HCFC1: variants seen among roughly 807,000 people sequenced by gnomAD.
HCFC1 encodes host cell factor C1, also known as host cell factor 1.
A neutral mutation model predicts 105.5 loss-of-function variants in HCFC1; 7 were observed. The ratio of observed to expected loss-of-function variants is 0.07; its 90% CI spans 0.04 to 0.12. The LOEUF (loss-of-function observed/expected upper bound fraction) is 0.12, where lower values mean the gene tolerates loss of function less well. Among genes scored for constraint, HCFC1 ranks in the 10% least tolerant of loss-of-function variants. HCFC1 has a pLI of 1.00. For synonymous variants in HCFC1, 918 were observed against 828.1 expected, an observed-to-expected ratio of 1.11 and a Z score of -1.86; for missense variants, 1,065 against 1,823.6, an observed-to-expected ratio of 0.58 and a Z score of 7.58.
Position 153,954,256 on chromosome X carries a change from A to G in HCFC1, c.4143T>C (p.Thr1381=), listed in dbSNP as rs1418451525. The change falls in exon 17 of 26, where the codon ACT becomes ACC. Residue 1381 remains threonine (T), a synonymous_variant. Transcript: ENST00000310441. ...CAGACTCCACGGTCCTGTGGGAAGA[A>G]GTGGCGTCGGGAAGCAGGGCACCCA... ...VSVGALLPDA[T]SSHRTVESGL... The G allele has an allele frequency of 8.3e-7, 1 of 1,203,593 alleles. No individual in the cohort carries two copies. The highest frequency in any genetic ancestry group is 1.1e-6 in the Non-Finnish European group (1 of 890,842).
chrX:153,963,153 C>G lies in HCFC1; in HGVS notation c.712+72G>C. ...AGCCCCACCTCACCATACAACAGCG[C>G]CACCCACGGGGCCAGCCAAGAGGCA... On this transcript the variant is annotated intron_variant, in intron 4 of 25. Transcript: ENST00000310441. 5 of 819,832 alleles carry G rather than the reference C, an allele frequency of 6.1e-6. No individual in the cohort carries two copies. The Admixed American group carries it at 6.7e-5, about 11-fold the overall frequency. The allele number at this position is 819,832 out of a possible 1,213,427, so 67.6% of individuals were successfully genotyped here.
At position 153,959,498 on chromosome X, in the gene HCFC1, A is replaced by G; in HGVS notation, c.1445-7T>C. ...TTGAGAACAGCAGGGACACCTGATG[A>G]GAGAAGGGGCCAGCCGTCAGCCATC... On this transcript the variant is annotated splice_region_variant and splice_polypyrimidine_tract_variant and intron_variant, in intron 8 of 25. Coordinates refer to ENST00000310441, the MANE Select transcript of HCFC1 (RefSeq NM_005334.3). The G allele has an allele frequency of 3.3e-6, 4 of 1,210,962 alleles. No individual in the cohort carries two copies. The highest frequency in any genetic ancestry group is 4.5e-6 in the Non-Finnish European group (4 of 895,044).
At chrX:153,964,758 A>G (rs782182365) in intron 1 of HCFC1, 32 bp from the exon 2 acceptor site, 2 of 1,119,490 alleles carry the variant, frequency 1.8e-6, no homozygotes, top group Admixed American at 5.6e-5. Context: ...AAGTCAGAAC[A>G]CCCGGGAGCC....
At chrX:153,964,524 C>T (rs1327064275) in intron 2 of HCFC1, 54 bp downstream of exon 2, 35 of 1,133,190 alleles carry the variant, frequency 3.1e-5, no homozygotes, top group Non-Finnish European at 4.1e-5. Context: ...GAAGCCACTA[C>T]CGTCAGGTCA....
chrX:153,961,454 C>T, intron 6 of HCFC1, 88 bp downstream of exon 6: 1 of 605,982 alleles, frequency 1.7e-6, no homozygotes, highest in Non-Finnish European at 2.7e-6. Flanking sequence ...CCAGCTTGCT[C>T]CCCGCACACC....
At position 153,954,198 on chromosome X, in the gene HCFC1, G is replaced by C. The variant is rs782233812; in HGVS notation, c.4201C>G (p.Pro1401Ala). ...LEVAAAPSVTPQAGTALLAPF... is the reference protein window; with the variant it reads ...LEVAAAPSVTAQAGTALLAPF... ...GCCAGCAGCGCGGTGCCAGCCTGGG[G>C]GGTGACGCTGGGTGCCGCCGCCACC... Residue 1401 changes from proline to alanine, a missense_variant, in exon 17 of 26, where the codon CCC (proline) becomes GCC (alanine). Around this residue, in one of 17 missense-constraint regions of HCFC1, gnomAD observed 546 missense variants for 599.9 expected, o/e 0.91. Coordinates refer to ENST00000310441, the MANE Select transcript of HCFC1 (RefSeq NM_005334.3). The C allele has an allele frequency of 6.6e-6, 8 of 1,204,976 alleles. No homozygotes were observed.
At position 153,951,878 on chromosome X, in the gene HCFC1, G is replaced by C; in HGVS notation, c.5223C>G (p.Pro1741=). ...NCLNELAGTV[P]STVALLPSTA... ...TTGAGGGCAGCAGCGCCACAGTGCT[G>C]GGGACCGTGCCGGCCAGCTCATTGA... Residue 1741 remains proline, a synonymous_variant, in exon 20 of 26, where the codon CCC becomes CCG. Coordinates refer to ENST00000310441, the MANE Select transcript of HCFC1 (RefSeq NM_005334.3). 1 of 1,196,383 alleles carries C rather than the reference G, an allele frequency of 8.4e-7. No homozygotes were observed. The highest frequency in any genetic ancestry group is 1.1e-6 in the Non-Finnish European group (1 of 886,343).
At chrX:153,956,843 C>T (rs1304873222) in intron 14 of HCFC1, 75 bp downstream of exon 14, 10 of 1,200,145 alleles carry the variant, frequency 8.3e-6, no homozygotes, top group East Asian at 5.9e-5. Context: ...CCAGGCCTGT[C>T]GGGAGGACCT....
At chrX:153,969,554 A>G (rs1471470677) in intron 1 of HCFC1, among the ~76,000 whole-genome samples, 2 of 112,842 alleles carry the variant, frequency 1.8e-5, no homozygotes, top group Non-Finnish European at 3.8e-5. Context: ...GTCAGTAGGC[A>G]ACTTGGGAAC....
chrX:153,969,033 G>A (rs782129527), intron 1 of HCFC1, among the ~76,000 whole-genome samples: 30 of 112,244 alleles, frequency 2.7e-4, no homozygotes, highest in African/African-American at 9.4e-4. Context: ...AACGAAAAAC[G>A]GTCACAGACA....
intron 16 of HCFC1, 125 bp from the exon 17 acceptor site, chrX:153,955,667 G>C (rs367879808): frequency 1.1e-4 from 77 of 678,100 alleles, no homozygotes; most frequent in Non-Finnish European, 1.4e-4. Flanking sequence ...CCTGGCAGAC[G>C]TAAGACCCAC....
At position 153,955,213 on chromosome X, in the gene HCFC1, C is replaced by T; in HGVS notation, c.3186G>A (p.Ser1062=). The change falls in exon 17 of 26, where the codon TCG becomes TCA. Residue 1062 remains serine, a synonymous_variant. Coordinates refer to ENST00000310441, the MANE Select transcript of HCFC1 (RefSeq NM_005334.3). ...RQEAAASLVT[S]TVGQQNGSVV... ...CGCTACCATTCTGCTGGCCCACAGT[C>T]GAGGTCACAAGAGAAGCAGCTGCCT... The T allele has an allele frequency of 8.3e-7, 1 of 1,211,315 alleles. No homozygotes were observed. Among genetic ancestry groups the T allele is most frequent in the Middle Eastern group, 2.3e-4 (1 of 4,350 alleles).
chrX:153,956,427 C>CAAGA lies in HCFC1; in HGVS notation c.2636-20_2636-17dup. 1 of 1,196,144 alleles carries CAAGA rather than the reference C, an allele frequency of 8.4e-7. No homozygotes were observed. Among genetic ancestry groups the CAAGA allele is most frequent in the Non-Finnish European group, 1.1e-6 (1 of 882,767 alleles). On this transcript the variant is annotated splice_polypyrimidine_tract_variant and intron_variant, in intron 15 of 25. Transcript: ENST00000310441. ...GTCGTGACACCTGAAGGAAAGGAGG[C>CAAGA]AAGAGTTGGGCCAAGGCTGCTGCTG...
chrX:153,968,671 C>T (rs1164783964), intron 1 of HCFC1, among the ~76,000 whole-genome samples: 1 of 112,746 alleles, frequency 8.9e-6, no homozygotes, highest in African/African-American at 3.2e-5. Context: ...TTTTAATAAA[C>T]TAATGAATAT....
chrX:153,963,541 C>T, intron 3 of HCFC1, 108 bp from the exon 4 acceptor site: 1 of 528,680 alleles, frequency 1.9e-6, no homozygotes, highest in South Asian at 2.9e-5. Flanking sequence ...GGGGCTAGGG[C>T]TGTGGGAGCT....
chrX:153,970,619 G>A (rs1557119861), intron 1 of HCFC1, 29 bp downstream of exon 1: 3 of 1,134,136 alleles, frequency 2.6e-6, no homozygotes, highest in Middle Eastern at 4.8e-4. Context: ...GAGGGAAAGA[G>A]CCGAAGACCC....
chrX:153,958,606 A>C lies in HCFC1; in HGVS notation c.1766T>G (p.Leu589Arg). ...GGAGGCCACCTTCACAGTGGCTGGGAGGGTGGTAGTGCCAGGTGTCACAGC... is the reference window on the plus strand; with the variant it reads ...GGAGGCCACCTTCACAGTGGCTGGGCGGGTGGTAGTGCCAGGTGTCACAGC... ...TMAVTPGTTTLPATVKVASSP... is the reference protein window; with the variant it reads ...TMAVTPGTTTRPATVKVASSP... Residue 589 changes from leucine (L) to arginine (R), a missense_variant, in exon 10 of 26, where the codon CTC becomes CGC. Leu to Arg is a moderately radical substitution (Grantham distance 102, BLOSUM62 -2). Coordinates refer to ENST00000310441, the MANE Select transcript of HCFC1 (RefSeq NM_005334.3). 1.7e-6 allele frequency: 2 copies of C among 1,207,046 alleles called. No individual in the cohort carries two copies. The highest frequency in any genetic ancestry group is 2.2e-6 in the Non-Finnish European group (2 of 892,989).
intron 15 of HCFC1, 22 bp from the exon 16 acceptor site, chrX:153,956,433 T>G (rs1557114982): frequency 8.4e-7 from 1 of 1,187,188 alleles, no homozygotes; most frequent in Admixed American, 2.2e-5. Flanking sequence ...GAGGCAAGAG[T>G]TGGGCCAAGG....
intron 1 of HCFC1, among the ~76,000 whole-genome samples, chrX:153,968,836 G>A (rs2065497309): frequency 8.9e-6 from 1 of 112,301 alleles, no homozygotes; most frequent in African/African-American, 3.2e-5. Flanking sequence ...TGGAGAAGGT[G>A]CTGCTCATGG....
Sources: allele counts gnomAD v4.1 joint callset (sites outside exome capture counted in the v4.1 genomes callset), GRCh38; gene constraint gnomAD v4.1.1; regional missense constraint gnomAD v4.1.1; transcripts MANE v1.5; gene names NCBI Gene and HGNC (gene_info 2026-07-23, HGNC 2026-07-21).